The following GRM8 variants were observed in gnomAD, a reference collection of about 807,000 sequenced individuals.
GRM8 encodes glutamate metabotropic receptor 8.
A neutral mutation model predicts 87.2 loss-of-function variants in GRM8; 47 were observed. The ratio of observed to expected loss-of-function variants is 0.54; its 90% CI spans 0.43 to 0.69. The LOEUF (loss-of-function observed/expected upper bound fraction) is 0.69. Among genes scored for constraint, GRM8 ranks in the 30% least tolerant of loss-of-function variants. The probability of loss-of-function intolerance (pLI) is 0.00; values close to 1 mark genes in which losing one functional copy is unlikely to be tolerated. For synonymous variants in GRM8, 396 were observed against 404.5 expected, an observed-to-expected ratio of 0.98 and a Z score of 0.25; for missense variants, 1,019 against 1,139.2, an observed-to-expected ratio of 0.89 and a Z score of 1.52.
At chr7:126,505,528 T>G (rs1200450108) in intron 9 of GRM8, among the ~76,000 whole-genome samples, 1 of 152,040 alleles carries the variant, frequency 6.6e-6, no homozygotes, top group Non-Finnish European at 1.5e-5. Context: ...AAAGGAGCAA[T>G]TGCTCTGCAA....
At chr7:126,445,611 G>C (rs1177832594) in intron 10 of GRM8, among the ~76,000 whole-genome samples, 1 of 152,012 alleles carries the variant, frequency 6.6e-6, no homozygotes, top group East Asian at 1.9e-4. Flanking sequence ...CCCAAGGAAA[G>C]GGGACCACGT....
At chr7:126,680,677 G>GT (rs1304412305) in intron 7 of GRM8, among the ~76,000 whole-genome samples, 4 of 152,076 alleles carry the variant, frequency 2.6e-5, no homozygotes, top group African/African-American at 4.8e-5. Context: ...TTTTATCATT[G>GT]TCTATCTGCC....
chr7:126,746,128 G>A (rs1585758283), intron 7 of GRM8, among the ~76,000 whole-genome samples: 1 of 151,500 alleles, frequency 6.6e-6, no homozygotes, highest in African/African-American at 2.4e-5. Flanking sequence ...CAGCTCACCA[G>A]GGAAAATATC....
chr7:127,056,686 C>T (rs17875030), intron 3 of GRM8, among the ~76,000 whole-genome samples: 1,983 of 152,188 alleles, frequency 0.013, 37 homozygotes, highest in African/African-American at 0.045. Context: ...TGTTGGTTAA[C>T]GTTATAAAGA....
At chr7:127,152,435 T>C (rs575222588) in intron 2 of GRM8, among the ~76,000 whole-genome samples, 2 of 152,150 alleles carry the variant, frequency 1.3e-5, no homozygotes, top group East Asian at 3.9e-4. Flanking sequence ...ATACTAGATA[T>C]GGTTTTCCCT....
intron 3 of GRM8, among the ~76,000 whole-genome samples, chr7:127,101,082 T>C (rs919396553): frequency 1.3e-5 from 2 of 152,206 alleles, no homozygotes; most frequent in African/African-American, 4.8e-5. Context: ...TACCTGCCTT[T>C]TCCTAGTTGC....
chr7:126,729,896 T>C (rs1813410236), intron 7 of GRM8, among the ~76,000 whole-genome samples: 1 of 152,146 alleles, frequency 6.6e-6, no homozygotes, highest in African/African-American at 2.4e-5. Context: ...CTCTACTACA[T>C]TAACTGCTGG....
At chr7:127,187,684 C>T (rs1180505304) in intron 2 of GRM8, among the ~76,000 whole-genome samples, 1 of 152,210 alleles carries the variant, frequency 6.6e-6, no homozygotes, top group Non-Finnish European at 1.5e-5. Flanking sequence ...GTCCCTCCAT[C>T]ACGGCCTCTG....
chr7:126,904,837 C>A (rs1357577751), intron 3 of GRM8, among the ~76,000 whole-genome samples, 154 bp from the exon 4 acceptor site: 1 of 152,288 alleles, frequency 6.6e-6, no homozygotes, highest in Non-Finnish European at 1.5e-5. Context: ...TGTTTGTTTG[C>A]ATTATAATAT....
At chr7:126,476,607 A>C (rs1162957101) in intron 9 of GRM8, among the ~76,000 whole-genome samples, 1 of 152,164 alleles carries the variant, frequency 6.6e-6, no homozygotes, top group African/African-American at 2.4e-5. Flanking sequence ...ATTTTTTCAA[A>C]GAGGATATAC....
intron 7 of GRM8, among the ~76,000 whole-genome samples, chr7:126,765,325 C>G (rs547098661): frequency 6.6e-6 from 1 of 152,056 alleles, no homozygotes; most frequent in Admixed American, 6.6e-5. Context: ...AGACTCGTTT[C>G]TATTCCCGCT....
intron 3 of GRM8, among the ~76,000 whole-genome samples, chr7:127,093,630 C>T (rs965972392): frequency 2.0e-5 from 3 of 152,136 alleles, no homozygotes; most frequent in Non-Finnish European, 2.9e-5. Flanking sequence ...TTATTTTTTT[C>T]CTCACTGCTA....
intron 7 of GRM8, among the ~76,000 whole-genome samples, chr7:126,682,782 G>A (rs1023337970): frequency 7.9e-5 from 12 of 152,184 alleles, no homozygotes; most frequent in Admixed American, 7.9e-4. Flanking sequence ...TGGGCGCGGT[G>A]GCTCACGCCT....
intron 2 of GRM8, among the ~76,000 whole-genome samples, chr7:127,133,579 G>A (rs879731878): frequency 5.9e-5 from 9 of 151,456 alleles, no homozygotes; most frequent in Non-Finnish European, 8.8e-5. Flanking sequence ...GGTGGCAGGC[G>A]CCTGTAATCT....
chr7:126,762,776 T>C (rs1421694205), intron 7 of GRM8, among the ~76,000 whole-genome samples: 1 of 151,852 alleles, frequency 6.6e-6, no homozygotes, highest in East Asian at 1.9e-4. Context: ...GTAAATATAA[T>C]TACTGTTAAT....
chr7:126,524,458 A>G (rs538682698), intron 9 of GRM8, among the ~76,000 whole-genome samples: 44 of 152,264 alleles, frequency 2.9e-4, no homozygotes, highest in African/African-American at 1.1e-3. Context: ...TTTCCCTTCT[A>G]AAAGTTCCTA....
chr7:126,764,884 A>G (rs1563165306), intron 7 of GRM8, among the ~76,000 whole-genome samples: 1 of 152,058 alleles, frequency 6.6e-6, no homozygotes, highest in Non-Finnish European at 1.5e-5. Context: ...TAAAGAAGCA[A>G]TGAGATTCAG....
chr7:126,851,045 A>G (rs552360465), intron 6 of GRM8, among the ~76,000 whole-genome samples: 3 of 152,148 alleles, frequency 2.0e-5, no homozygotes, highest in Non-Finnish European at 4.4e-5. Flanking sequence ...TTTCATACTG[A>G]ACATATCTGA....
intron 9 of GRM8, among the ~76,000 whole-genome samples, chr7:126,522,451 TG>T (rs1215717607): frequency 2.6e-5 from 4 of 152,192 alleles, no homozygotes; most frequent in African/African-American, 7.2e-5. Context: ...AGTACAAACA[TG>T]GCATAAATCC....
Sources: gnomAD v4.1 joint callset for allele counts (sites outside exome capture counted in the v4.1 genomes callset) on GRCh38, gnomAD v4.1.1 for gene constraint, MANE v1.5 for transcripts, NCBI Gene and HGNC (gene_info 2026-07-23, HGNC 2026-07-21) for gene names.